Variants in RGS7 observed in about 807,000 individuals in gnomAD.
RGS7 encodes the protein regulator of G protein signaling 7.
In RGS7, 27 loss-of-function variants were observed where a neutral mutation model predicts 81.1. That is an observed-to-expected ratio of 0.33 (90% CI 0.25 to 0.46). The LOEUF is 0.46. RGS7 is among the 20% of genes least tolerant of loss of function. RGS7 has a pLI of 1.00. For synonymous variants in RGS7, 208 were observed against 207.7 expected, an observed-to-expected ratio of 1.00 and a Z score of -0.01; for missense variants, 396 against 607.4, an observed-to-expected ratio of 0.65 and a Z score of 3.66.
At chr1:241,336,848 G>T (rs1227675052) in intron 2 of RGS7, among the ~76,000 whole-genome samples, 3 of 152,134 alleles carry the variant, frequency 2.0e-5, no homozygotes, top group South Asian at 2.1e-4. Context: ...GGATATTCCT[G>T]GCACCTTCAT....
At chr1:241,145,308 C>A (rs1249547283) in intron 2 of RGS7, among the ~76,000 whole-genome samples, 1 of 152,076 alleles carries the variant, frequency 6.6e-6, no homozygotes, top group East Asian at 1.9e-4. Context: ...GTTTTATATA[C>A]CTATTTGCTC....
intron 2 of RGS7, among the ~76,000 whole-genome samples, chr1:241,300,428 C>G (rs181592275): frequency 6.6e-6 from 1 of 152,284 alleles, no homozygotes; most frequent in Admixed American, 6.5e-5. Flanking sequence ...TTTATCCCTC[C>G]CACTCTTCTT....
At chr1:241,147,778 TTTTATATATATATATATATATA>T (rs1388236249) in intron 2 of RGS7, among the ~76,000 whole-genome samples, 3 of 19,410 alleles carry the variant, frequency 1.5e-4, no homozygotes, top group African/African-American at 4.0e-4. Flanking sequence ...CTAGATTAAG[TTTTATATATATATATATATATA>T]TATATATATA....
At chr1:241,018,324 G>T (rs907063304) in intron 3 of RGS7, among the ~76,000 whole-genome samples, 1 of 151,492 alleles carries the variant, frequency 6.6e-6, no homozygotes, top group Admixed American at 6.6e-5. Flanking sequence ...TCATGTTTTC[G>T]CATGCCTTGT....
chr1:240,780,655 C>G (rs546805333), intron 18 of RGS7, among the ~76,000 whole-genome samples: 6 of 151,866 alleles, frequency 4.0e-5, no homozygotes, highest in Non-Finnish European at 5.9e-5. Flanking sequence ...GTGGCTGACG[C>G]CTGTAATCTC....
intron 3 of RGS7, among the ~76,000 whole-genome samples, chr1:241,036,684 C>G (rs564110086): frequency 6.6e-6 from 1 of 152,138 alleles, no homozygotes; most frequent in Non-Finnish European, 1.5e-5. Context: ...TAGTTAGGAA[C>G]AAGGATTAGA....
In RGS7 at chr1:241,310,595, C is replaced by T. The variant is rs574894956; in HGVS notation, c.78+45104G>A. On this transcript the variant is annotated intron_variant, in intron 2 of 18. Transcript: ENST00000440928. ...AACAATGTACTGCCCACGACAGTCA[C>T]GGAAGTGATGAAAATCCAGAACAAT... 6.0e-5 allele frequency among the ~76,000 whole-genome samples: 9 copies of T among 150,740 alleles called. No individual in the cohort carries two copies. In the South Asian group the frequency reaches 1.9e-3, roughly 32 times the overall value.
In RGS7 at chr1:241,087,974, C is replaced by T. The variant is rs12569296; in HGVS notation, c.175+10692G>A. On this transcript the variant is annotated intron_variant, in intron 3 of 18. Transcript: ENST00000440928. ...TCTCTCTCTCTCTCTCTCTCTCTCT[C>T]TCTATATATATATATATATATACAC... is the stretch of plus-strand genomic sequence containing the variant. Among the ~76,000 whole-genome samples the T allele has an allele frequency of 7.8e-5, 9 of 116,006 alleles. 1 individual carries two copies. The East Asian group carries it at 1.6e-3, about 20-fold the overall frequency. The allele number at this position is 116,006 out of a possible 152,430, so 76.1% of individuals were successfully genotyped here.
intron 2 of RGS7, among the ~76,000 whole-genome samples, chr1:241,183,006 T>C (rs1188274957): frequency 6.6e-5 from 10 of 151,862 alleles, no homozygotes; most frequent in Non-Finnish European, 8.8e-5. Flanking sequence ...CTGGTCCACA[T>C]TTATTTGCTT....
intron 14 of RGS7, 144 bp from the exon 15 acceptor site, chr1:240,806,470 A>G: frequency 1.5e-6 from 1 of 673,094 alleles, no homozygotes; most frequent in East Asian, 2.6e-5. Flanking sequence ...GGTGGTACTG[A>G]CTGTGTTCAA....
At chr1:240,834,637 A>G (rs536480076) in intron 9 of RGS7, among the ~76,000 whole-genome samples, 2 of 152,128 alleles carry the variant, frequency 1.3e-5, no homozygotes, top group South Asian at 4.2e-4. Flanking sequence ...CAGCCTCCCG[A>G]GTAGCTGGGA....
intron 2 of RGS7, among the ~76,000 whole-genome samples, chr1:241,288,233 G>T (rs1211346662): frequency 6.6e-6 from 1 of 152,196 alleles, no homozygotes; most frequent in Non-Finnish European, 1.5e-5. Flanking sequence ...CCATGAGGCT[G>T]GTAGTGTCTC....
intron 3 of RGS7, among the ~76,000 whole-genome samples, chr1:241,048,703 T>A (rs1475106667): frequency 2.0e-5 from 3 of 152,214 alleles, no homozygotes; most frequent in African/African-American, 7.2e-5. Flanking sequence ...GGATGGCATA[T>A]GTAAAGTTTT....
At chr1:241,235,934 A>C (rs202113493) in intron 2 of RGS7, among the ~76,000 whole-genome samples, 4 of 80,636 alleles carry the variant, frequency 5.0e-5, no homozygotes, top group African/African-American at 1.6e-4. Flanking sequence ...GAGAGAGAGA[A>C]AGACAGACAG....
chr1:241,273,182 C>A (rs75462095), intron 2 of RGS7, among the ~76,000 whole-genome samples: 2 of 137,416 alleles, frequency 1.5e-5, no homozygotes, highest in Non-Finnish European at 3.1e-5. Context: ...TGAACCCCCC[C>A]CCCCAAAGGA....
intron 2 of RGS7, among the ~76,000 whole-genome samples, chr1:241,259,667 A>AAATATATATATATATATATAT: frequency 2.0e-5 from 1 of 49,132 alleles, no homozygotes; most frequent in Non-Finnish European, 3.6e-5. Context: ...AAAAAAAAAA[A>AAATATATATATATATATATAT]ATATATATAT....
At chr1:240,889,973 C>T (rs908637372) in intron 6 of RGS7, among the ~76,000 whole-genome samples, 1 of 152,172 alleles carries the variant, frequency 6.6e-6, no homozygotes, top group African/African-American at 2.4e-5. Flanking sequence ...GTACAATTAT[C>T]TCTCAGAGTT....
chr1:241,312,618 G>T (rs1489104846), intron 2 of RGS7, among the ~76,000 whole-genome samples: 2 of 152,130 alleles, frequency 1.3e-5, no homozygotes, highest in Non-Finnish European at 2.9e-5. Context: ...CATGAATGTT[G>T]TATGTGTTCT....
intron 3 of RGS7, among the ~76,000 whole-genome samples, chr1:241,021,703 C>T (rs2148696822): frequency 6.6e-6 from 1 of 152,272 alleles, no homozygotes. Flanking sequence ...CTTTCCTTTA[C>T]TATTAAAAAT....
Sources: gnomAD v4.1 joint callset for allele counts (sites outside exome capture counted in the v4.1 genomes callset) on GRCh38, gnomAD v4.1.1 for gene constraint, MANE v1.5 for transcripts, NCBI Gene and HGNC (gene_info 2026-07-23, HGNC 2026-07-21) for gene names.